SHC3: variants seen among roughly 807,000 people sequenced by gnomAD.
SHC3 encodes the protein SHC adaptor protein 3.
Under a neutral mutation model 60.4 loss-of-function variants are expected in SHC3, and 15 were observed. The ratio of observed to expected loss-of-function variants is 0.25; its 90% CI spans 0.17 to 0.38. The LOEUF (loss-of-function observed/expected upper bound fraction) is 0.38. Among genes scored for constraint, SHC3 ranks in the 10% least tolerant of loss-of-function variants. SHC3 has a pLI of 1.00. For missense variants in SHC3, 677 were observed against 786.1 expected, an observed-to-expected ratio of 0.86 and a Z score of 1.66; for synonymous variants, 294 against 325.9, an observed-to-expected ratio of 0.90 and a Z score of 1.05.
chr9:89,108,560 C>T (rs1825899784), intron 2 of SHC3, among the ~76,000 whole-genome samples: 3 of 151,648 alleles, frequency 2.0e-5, no homozygotes, highest in African/African-American at 7.3e-5. Context: ...CACACACACA[C>T]ATACACACAT....
At chr9:89,106,179 C>A (rs1172563023) in intron 2 of SHC3, among the ~76,000 whole-genome samples, 1 of 152,102 alleles carries the variant, frequency 6.6e-6, no homozygotes, top group African/African-American at 2.4e-5. Context: ...GGGCTGGTAC[C>A]CAGGAACCCT....
chr9:89,024,291 A>T (rs972510205), intron 11 of SHC3, among the ~76,000 whole-genome samples: 1 of 152,094 alleles, frequency 6.6e-6, no homozygotes, highest in African/African-American at 2.4e-5. Flanking sequence ...TTATTTATTT[A>T]TTTAGAAACA....
Position 89,164,285 on chromosome 9 carries a change from G to A in SHC3, c.474+13702C>T, listed in dbSNP as rs139820181. ...GGCTACAGAGCTCTGGAGACCCTGAGCAGAGGGCACCAGCTGTCTGAAAGG... is the reference window on the plus strand; with the variant it reads ...GGCTACAGAGCTCTGGAGACCCTGAACAGAGGGCACCAGCTGTCTGAAAGG... On this transcript the variant is annotated intron_variant, in intron 1 of 11. Coordinates refer to ENST00000375835, the MANE Select transcript of SHC3 (RefSeq NM_016848.6). Among the ~76,000 whole-genome samples the A allele has an allele frequency of 2.9e-3, 439 of 152,274 alleles. 4 individuals carry two copies. The highest frequency in any genetic ancestry group is 9.9e-3 in the African/African-American group (413 of 41,556).
intron 3 of SHC3, among the ~76,000 whole-genome samples, chr9:89,076,840 A>T (rs1027580440): frequency 2.6e-5 from 4 of 152,220 alleles, no homozygotes; most frequent in African/African-American, 9.7e-5. Flanking sequence ...TGTTATTAAA[A>T]ATGAATGTAT....
intron 1 of SHC3, among the ~76,000 whole-genome samples, chr9:89,157,555 T>C (rs902013670): frequency 1.3e-5 from 2 of 152,244 alleles, no homozygotes; most frequent in Admixed American, 1.3e-4. Context: ...ATTTGTTAGA[T>C]TGGCAACAAG....
intron 3 of SHC3, among the ~76,000 whole-genome samples, chr9:89,077,593 T>C (rs1825379423): frequency 6.6e-6 from 1 of 152,242 alleles, no homozygotes; most frequent in Non-Finnish European, 1.5e-5. Context: ...TCTGTTGTTA[T>C]CATTATCTTC....
At chr9:89,064,648 G>A (rs1825147124) in intron 6 of SHC3, among the ~76,000 whole-genome samples, 1 of 152,054 alleles carries the variant, frequency 6.6e-6, no homozygotes, top group Non-Finnish European at 1.5e-5. Context: ...CAGTGGCGTG[G>A]GGGATGATTC....
chr9:89,053,493 A>G (rs1471490387), intron 6 of SHC3, among the ~76,000 whole-genome samples: 3 of 152,158 alleles, frequency 2.0e-5, no homozygotes, highest in African/African-American at 7.2e-5. Flanking sequence ...TTTACCCCGG[A>G]GGCAGCCAGC....
chr9:89,088,608 T>G (rs1052892492), intron 2 of SHC3: 1 of 152,230 alleles, frequency 6.6e-6, no homozygotes, highest in African/African-American at 2.4e-5. Context: ...AATGGGTCTG[T>G]TGTTTTTAAA....
rs1825941108 is a variant in SHC3, at chr9:89,006,413, T to A, written c.*7034A>T. The A allele has an allele frequency of 6.6e-6, 1 of 152,268 alleles. No homozygotes were observed. Among genetic ancestry groups the A allele is most frequent in the African/African-American group, 2.4e-5 (1 of 41,476 alleles). The allele number at this position is 152,268 out of a possible 1,614,324, so 9.4% of individuals were successfully genotyped here. On this transcript the variant is annotated 3_prime_UTR_variant, in exon 12 of 12. Transcript: ENST00000375835. ...GTCATAGAACAAAGATTAGAGAACT[T>A]GAAATTCGTTTTGCATTTCCACTCC...
At chr9:89,072,103 A>C (rs1055308205) in intron 4 of SHC3, among the ~76,000 whole-genome samples, 4 of 152,190 alleles carry the variant, frequency 2.6e-5, no homozygotes, top group Non-Finnish European at 4.4e-5. Context: ...TGCAATATTG[A>C]CTGACCTGTG....
chr9:89,079,500 G>A (rs1021009017), intron 2 of SHC3, among the ~76,000 whole-genome samples: 3 of 152,096 alleles, frequency 2.0e-5, no homozygotes, highest in Non-Finnish European at 4.4e-5. Context: ...TTCCTGATAA[G>A]CACCGTATTT....
chr9:89,097,993 C>T (rs995072631), intron 2 of SHC3, among the ~76,000 whole-genome samples: 3 of 152,088 alleles, frequency 2.0e-5, no homozygotes, highest in African/African-American at 4.8e-5. Context: ...TTAATTAAAT[C>T]ATCAAAGTTG....
At chr9:89,132,915 T>G (rs1826268282) in intron 1 of SHC3, among the ~76,000 whole-genome samples, 1 of 152,166 alleles carries the variant, frequency 6.6e-6, no homozygotes, top group Admixed American at 6.5e-5. Context: ...AAATGGGATC[T>G]AATTAAACTA....
chr9:89,074,177 G>A (rs924174531), intron 4 of SHC3, among the ~76,000 whole-genome samples: 5 of 152,284 alleles, frequency 3.3e-5, no homozygotes, highest in African/African-American at 1.2e-4. Context: ...TCACTAACCT[G>A]GGGAATATGG....
chr9:89,094,280 A>C (rs1249657012), intron 2 of SHC3, among the ~76,000 whole-genome samples: 2 of 152,140 alleles, frequency 1.3e-5, no homozygotes, highest in Non-Finnish European at 2.9e-5. Context: ...GTTGAAAGTG[A>C]TTTCAGAACA....
At chr9:89,135,342 A>T (rs1173884105) in intron 1 of SHC3, among the ~76,000 whole-genome samples, 2 of 152,112 alleles carry the variant, frequency 1.3e-5, no homozygotes, top group Admixed American at 6.6e-5. Context: ...TTTTCTTCAG[A>T]CCTCAAAAGA....
chr9:89,027,690 C>T (rs1826343228), intron 11 of SHC3, among the ~76,000 whole-genome samples: 1 of 152,090 alleles, frequency 6.6e-6, no homozygotes, highest in Non-Finnish European at 1.5e-5. Context: ...TCTCCGAACC[C>T]AGAAAAAGGA....
chr9:89,117,837 G>A (rs752476622), intron 1 of SHC3, among the ~76,000 whole-genome samples: 1 of 151,958 alleles, frequency 6.6e-6, no homozygotes, highest in Non-Finnish European at 1.5e-5. Context: ...TGTCTACATA[G>A]GATATGGGAA....
Sources: gnomAD v4.1 joint callset for allele counts (sites outside exome capture counted in the v4.1 genomes callset) on GRCh38, gnomAD v4.1.1 for gene constraint, MANE v1.5 for transcripts, NCBI Gene and HGNC (gene_info 2026-07-23, HGNC 2026-07-21) for gene names.